The following TNFRSF14 variants were observed in gnomAD, a reference collection of about 807,000 sequenced individuals.
TNFRSF14 encodes the protein tumor necrosis factor receptor superfamily member 14.
A neutral mutation model predicts 34.1 loss-of-function variants in TNFRSF14; 18 were observed. The observed-to-expected ratio is 0.53, with a 90% CI of 0.36 to 0.78. The LOEUF is 0.78. Ranked by LOEUF, TNFRSF14 falls within the 30% of genes least tolerant of loss-of-function variation. The pLI, the probability that TNFRSF14 is intolerant of heterozygous loss-of-function variation, is 0.00. For synonymous variants in TNFRSF14, 157 were observed against 153.2 expected (o/e 1.02, Z -0.18); for missense variants, 352 against 379.5 (o/e 0.93, Z 0.60).
chr1:2,559,431 T>C, intron 3 of TNFRSF14: 1 of 1,397,358 alleles, frequency 7.2e-7, no homozygotes, highest in Non-Finnish European at 9.5e-7. Context: ...TGGAATGGCC[T>C]GGTTTGCACA....
At chr1:2,558,658 C>T (rs1472117551) in intron 3 of TNFRSF14, 190 bp downstream of exon 3, 1 of 1,206,498 alleles carries the variant, frequency 8.3e-7, no homozygotes, top group Admixed American at 2.7e-5. Flanking sequence ...CCGTCCACCT[C>T]TGTCTCACCT....
upstream of TNFRSF14, among the ~76,000 whole-genome samples, chr1:2,554,560 C>T (rs1386381034): frequency 6.6e-6 from 1 of 152,156 alleles, no homozygotes; most frequent in Admixed American, 6.5e-5. This position sits in a 1 kb window ranked among gnomAD's most constrained non-coding sequence, Gnocchi z 4.2. Flanking sequence ...CAGCAAAGAC[C>T]TGGCACTGTC....
At chr1:2,559,168 C>T (rs1164383210) in intron 3 of TNFRSF14, 2 of 1,366,742 alleles carry the variant, frequency 1.5e-6, no homozygotes, top group Non-Finnish European at 1.9e-6. Context: ...GTGGGCTAGC[C>T]ATGAACAGAA....
chr1:2,555,059 G>A (rs972886120), upstream of TNFRSF14: 12 of 152,124 alleles, frequency 7.9e-5, no homozygotes, highest in African/African-American at 2.9e-4. This position sits in a 1 kb window ranked among gnomAD's most constrained non-coding sequence, Gnocchi z 6.3. Flanking sequence ...AGTGCACCAG[G>A]GAAACAGCAG....
At position 2,563,465 on chromosome 1, in the gene TNFRSF14, T is replaced by G; in HGVS notation, c.*192T>G. ...CTGGGGACGCCACGTGCCATTCCCA[T>G]GGGCCAGTGAGGGCCTGGGGCCTCT... On this transcript the variant is annotated 3_prime_UTR_variant, in exon 8 of 8. Coordinates refer to ENST00000355716, the MANE Select transcript of TNFRSF14 (RefSeq NM_003820.4). 1.2e-6 allele frequency: 1 copy of G among 865,408 alleles called. No homozygotes were observed. The highest frequency in any genetic ancestry group is 1.7e-6 in the Non-Finnish European group (1 of 581,238). The allele number at this position is 865,408 out of a possible 1,614,324, so 53.6% of individuals were successfully genotyped here. A position where few individuals can be genotyped will look rare whatever the true frequency, so the allele number is the denominator to read the frequency against.
intron 3 of TNFRSF14, chr1:2,559,483 G>T (rs11573978): frequency 0.013 from 18,234 of 1,447,220 alleles, 162 homozygotes; most frequent in Admixed American, 0.023. Flanking sequence ...GGGTGGGCAC[G>T]TGGGGCGAGG....
chr1:2,557,646 G>A, intron 1 of TNFRSF14, 80 bp from the exon 2 acceptor site: 1 of 1,103,892 alleles, frequency 9.1e-7, no homozygotes, highest in Non-Finnish European at 1.3e-6. Flanking sequence ...CACAGAGGGA[G>A]ATTCAGGCTG....
In TNFRSF14 at chr1:2,556,740, C is replaced by A. The variant is rs1407311039; in HGVS notation, c.69+7C>A. The A allele has an allele frequency of 6.3e-7, 1 of 1,586,578 alleles. No individual in the cohort carries two copies. Among genetic ancestry groups the A allele is most frequent in the Non-Finnish European group, 8.6e-7 (1 of 1,167,624 alleles). ...AACCGACGTCTTGAGGCTGGTGAGC[C>A]CCCGAGCCTCCTCTCCGTCTGCTCG... is the stretch of plus-strand genomic sequence containing the variant. On this transcript the variant is annotated splice_region_variant and intron_variant, in intron 1 of 7. Coordinates refer to ENST00000355716, the MANE Select transcript of TNFRSF14 (RefSeq NM_003820.4).
chr1:2,558,337 C>T lies in TNFRSF14; in HGVS notation c.179-6C>T, dbSNP rs764037166. Reference sequence around the variant, plus strand: ...ACTTGCGAAGTTCCCACTCTCTGGGCGGCAGGTTATCGTGTGAAGGAGGCC... The same window carrying T: ...ACTTGCGAAGTTCCCACTCTCTGGGTGGCAGGTTATCGTGTGAAGGAGGCC... On this transcript the variant is annotated splice_region_variant and splice_polypyrimidine_tract_variant and intron_variant, in intron 2 of 7. Coordinates refer to ENST00000355716, the MANE Select transcript of TNFRSF14 (RefSeq NM_003820.4). The T allele has an allele frequency of 1.5e-4, 240 of 1,597,142 alleles. 1 individual carries two copies. Among genetic ancestry groups the T allele is most frequent in the Non-Finnish European group, 1.9e-4 (226 of 1,172,982 alleles).
chr1:2,557,854 G>A lies in TNFRSF14; in HGVS notation c.178+20G>A, dbSNP rs758396698. 20 of 1,579,726 alleles carry A rather than the reference G, an allele frequency of 1.3e-5. No individual in the cohort carries two copies. The Admixed American group carries it at 1.9e-4, about 15-fold the overall frequency. ...GTCCAGGTAGGTGCAGCCCTTTGGC[G>A]GGCCAGCTCTGTGGGCCGAGGGCAG... On this transcript the variant is annotated intron_variant, in intron 2 of 7. Coordinates refer to ENST00000355716, the MANE Select transcript of TNFRSF14 (RefSeq NM_003820.4).
Position 2,556,523 on chromosome 1 carries a change from G to A in TNFRSF14, c.-142G>A, listed in dbSNP as rs1405495252. 1.1e-6 allele frequency: 1 copy of A among 874,742 alleles called. No homozygotes were observed. Among genetic ancestry groups the A allele is most frequent in the South Asian group, 1.4e-5 (1 of 70,300 alleles). 54.2% of individuals were successfully genotyped at this position (874,742 alleles called of 1,614,324 possible). ...CACTCTCCTGCTGCTCGGGTTCTGAGGCACAGCTTGTCACACCGAGGCGGA... is the reference window on the plus strand; with the variant it reads ...CACTCTCCTGCTGCTCGGGTTCTGAAGCACAGCTTGTCACACCGAGGCGGA... On this transcript the variant is annotated 5_prime_UTR_variant, in exon 1 of 8. Coordinates refer to ENST00000355716, the MANE Select transcript of TNFRSF14 (RefSeq NM_003820.4).
Position 2,557,822 on chromosome 1 carries a change from A to C in TNFRSF14, c.166A>C (p.Lys56Gln), listed in dbSNP as rs765998237. The change falls in exon 2 of 8, where the codon AAG becomes CAG. Residue 56 changes from lysine to glutamine, a missense_variant. Physicochemically the swap from Lys to Gln is moderately conservative, Grantham distance 53 (BLOSUM62 1). Coordinates refer to ENST00000355716, the MANE Select transcript of TNFRSF14 (RefSeq NM_003820.4). ...EYPVGSECCP[K>Q]CSPGYRVKEA... ...CCCAGTGGGCTCCGAGTGCTGCCCC[A>C]AGTGCAGTCCAGGTAGGTGCAGCCC... is the stretch of plus-strand genomic sequence containing the variant. The C allele has an allele frequency of 9.9e-6, 16 of 1,609,742 alleles. No homozygotes were observed. The highest frequency in any genetic ancestry group is 1.4e-5 in the Non-Finnish European group (16 of 1,178,042).
intron 5 of TNFRSF14, 31 bp downstream of exon 5, chr1:2,560,745 T>C: frequency 6.3e-7 from 1 of 1,599,064 alleles, no homozygotes; most frequent in Non-Finnish European, 8.6e-7. Context: ...CCCAGCTCTG[T>C]GCCCTGGGGA....
chr1:2,557,956 G>T, intron 2 of TNFRSF14, 122 bp downstream of exon 2: 6 of 844,964 alleles, frequency 7.1e-6, no homozygotes, highest in Non-Finnish European at 1.1e-5. Flanking sequence ...AAGCCCTGGG[G>T]CTAGGTGTGC....
chr1:2,563,358 C>G lies in TNFRSF14; in HGVS notation c.*85C>G, dbSNP rs1348621323. On this transcript the variant is annotated 3_prime_UTR_variant, in exon 8 of 8. Coordinates refer to ENST00000355716, the MANE Select transcript of TNFRSF14 (RefSeq NM_003820.4). ...TGTCCACCTGGCGGAACCACCGGAGCCCGGAGGCTTGGGGGCTCCGCCCTG... is the reference window on the plus strand; with the variant it reads ...TGTCCACCTGGCGGAACCACCGGAGGCCGGAGGCTTGGGGGCTCCGCCCTG... 1.9e-6 allele frequency: 3 copies of G among 1,574,360 alleles called. No individual in the cohort carries two copies. The highest frequency in any genetic ancestry group is 2.7e-5 in the African/African-American group (2 of 73,946).
In TNFRSF14 at chr1:2,561,985, A is replaced by C; in HGVS notation, c.694+170A>C. 2.7e-6 allele frequency: 2 copies of C among 750,830 alleles called. No individual in the cohort carries two copies. Among genetic ancestry groups the C allele is most frequent in the Non-Finnish European group, 4.3e-6 (2 of 461,646 alleles). 46.5% of individuals were successfully genotyped at this position (750,830 alleles called of 1,614,324 possible). ...GGGCTTTCTGCTGTGGCCAGAGCCC[A>C]GGTGTCAGCTGGCCTCCCTGGGGGA... is the stretch of plus-strand genomic sequence containing the variant. On this transcript the variant is annotated intron_variant, in intron 6 of 7. Transcript: ENST00000355716. The surrounding 1 kb of genome is among the most constrained non-coding windows in gnomAD (Gnocchi z 6.0).
chr1:2,563,023 G>A (rs991651867), intron 7 of TNFRSF14, 125 bp from the exon 8 acceptor site: 6 of 1,567,448 alleles, frequency 3.8e-6, no homozygotes, highest in Middle Eastern at 3.4e-4. Context: ...AGTCTTTCAA[G>A]TACAGCCACG....
intron 3 of TNFRSF14, chr1:2,558,857 GCTT>G (rs1185736276): frequency 7.5e-7 from 1 of 1,326,622 alleles, no homozygotes; most frequent in Non-Finnish European, 9.8e-7. Flanking sequence ...TCCCCACAGG[GCTT>G]CTTGTCCCTT....
At chr1:2,556,352 C>G (rs1289497819), upstream of TNFRSF14, 2 of 635,816 alleles carry the variant, frequency 3.1e-6, no homozygotes, top group African/African-American at 3.6e-5. Context: ...ACTCGCCCCT[C>G]CCATCGGGCG....
Sources: allele counts gnomAD v4.1 joint callset (sites outside exome capture counted in the v4.1 genomes callset), GRCh38; gene constraint gnomAD v4.1.1; non-coding constraint Gnocchi (gnomAD v3.1); transcripts MANE v1.5; gene names NCBI Gene and HGNC (gene_info 2026-07-23, HGNC 2026-07-21).